The following CEP112 variants were observed in gnomAD, a reference collection of about 807,000 sequenced individuals.
The protein encoded by CEP112 is centrosomal protein of 112 kDa.
A neutral mutation model predicts 153.0 loss-of-function variants in CEP112; 127 were observed. The observed-to-expected ratio is 0.83, with a 90% confidence interval of 0.72 to 0.96. CEP112 has a LOEUF of 0.96. Ranked by LOEUF, CEP112 falls within the 40% of genes least tolerant of loss-of-function variation. CEP112 has a pLI of 0.00. For synonymous variants in CEP112, 358 were observed against 374.4 expected (o/e 0.96, Z 0.51); for missense variants, 1,089 against 1,101.2 (o/e 0.99, Z 0.16).
In CEP112 at chr17:65,771,832, T is replaced by C. The variant is rs193264063; in HGVS notation, c.2395-21108A>G. Among the ~76,000 whole-genome samples, 429 of 151,936 alleles carry C rather than the reference T, an allele frequency of 2.8e-3. 4 individuals are homozygous for C. The highest frequency in any genetic ancestry group is 9.8e-3 in the African/African-American group (408 of 41,460). ...AAGTTCAAGATGAGCCTGGGCAACA[T>C]AGTGAGACCCCATGTCTAAGAAAAA... is the stretch of plus-strand genomic sequence containing the variant. On this transcript the variant is annotated intron_variant, in intron 21 of 26. Transcript: ENST00000535342.
chr17:65,786,546 A>G (rs1261671106), intron 21 of CEP112, among the ~76,000 whole-genome samples: 1 of 151,330 alleles, frequency 6.6e-6, no homozygotes, highest in Non-Finnish European at 1.5e-5. Context: ...CACCTCTGTA[A>G]AATGCTGTTT....
intron 18 of CEP112, among the ~76,000 whole-genome samples, chr17:65,929,166 T>G (rs913455115): frequency 6.6e-6 from 1 of 152,210 alleles, no homozygotes; most frequent in African/African-American, 2.4e-5. Context: ...TTAAAACCAC[T>G]GAATTGTACA....
At chr17:65,999,275 C>T (rs7221901) in intron 17 of CEP112, among the ~76,000 whole-genome samples, 88,287 of 150,372 alleles carry the variant, frequency 0.59, 27,351 homozygotes, top group African/African-American at 0.73. Flanking sequence ...CTATTCGGCT[C>T]ACTGCAAGCT....
intron 21 of CEP112, among the ~76,000 whole-genome samples, chr17:65,783,846 C>T (rs1369368484): frequency 2.0e-5 from 3 of 152,172 alleles, no homozygotes; most frequent in Non-Finnish European, 4.4e-5. Context: ...ACATAAAGTT[C>T]CTTTGATCGA....
At chr17:65,856,583 T>A (rs972722331) in intron 20 of CEP112, among the ~76,000 whole-genome samples, 3 of 152,234 alleles carry the variant, frequency 2.0e-5, no homozygotes, top group Non-Finnish European at 4.4e-5. Flanking sequence ...AATGTCTTTT[T>A]TTGAAAATTA....
chr17:65,772,575 T>TACACACACAC (rs34758953), intron 21 of CEP112, among the ~76,000 whole-genome samples: 11 of 133,412 alleles, frequency 8.2e-5, no homozygotes, highest in Non-Finnish European at 1.4e-4. Flanking sequence ...CTCTATTTAT[T>TACACACACAC]ACACACACAC....
intron 20 of CEP112, among the ~76,000 whole-genome samples, chr17:65,864,137 C>CTCA (rs1568134290): frequency 7.3e-6 from 1 of 137,168 alleles, no homozygotes; most frequent in Admixed American, 7.2e-5. Flanking sequence ...TGAGACTCCT[C>CTCA]AAAAAAAAAA....
chr17:66,080,916 A>T (rs959264248), intron 8 of CEP112, among the ~76,000 whole-genome samples: 2 of 152,220 alleles, frequency 1.3e-5, no homozygotes, highest in Non-Finnish European at 2.9e-5. Context: ...ACAAGAACAG[A>T]AAACCAAATA....
intron 24 of CEP112, among the ~76,000 whole-genome samples, chr17:65,673,767 A>G (rs1167014999): frequency 6.6e-6 from 1 of 152,236 alleles, no homozygotes; most frequent in Non-Finnish European, 1.5e-5. Flanking sequence ...ATCTTCTCAA[A>G]AAATTAAAAT....
intron 8 of CEP112, among the ~76,000 whole-genome samples, chr17:66,074,660 C>T (rs2067420445): frequency 6.6e-6 from 1 of 151,916 alleles, no homozygotes; most frequent in Non-Finnish European, 1.5e-5. Context: ...GTCAAGAGTT[C>T]GAGGCCATCC....
chr17:65,980,957 T>C (rs2063205143), intron 17 of CEP112, among the ~76,000 whole-genome samples: 1 of 152,080 alleles, frequency 6.6e-6, no homozygotes, highest in Non-Finnish European at 1.5e-5. Flanking sequence ...TTTATGTTTT[T>C]AGTAGTGACG....
chr17:65,644,736 T>C (rs2045343214), intron 24 of CEP112: 1 of 153,600 alleles, frequency 6.5e-6, no homozygotes, highest in African/African-American at 2.4e-5. Flanking sequence ...TTTCTTTCTC[T>C]CATAACTTTG....
At chr17:65,860,105 A>AAT (rs2058265398) in intron 20 of CEP112, among the ~76,000 whole-genome samples, 2 of 152,044 alleles carry the variant, frequency 1.3e-5, no homozygotes, top group Admixed American at 6.6e-5. Context: ...AATTATTAGA[A>AAT]ATAAGAGCTT....
chr17:65,706,010 G>A (rs549698000), intron 23 of CEP112, among the ~76,000 whole-genome samples: 3 of 152,232 alleles, frequency 2.0e-5, no homozygotes, highest in Admixed American at 1.3e-4. Context: ...AAGAATGAGG[G>A]GGAAATGACA....
At chr17:65,857,026 G>C (rs376808425) in intron 20 of CEP112, among the ~76,000 whole-genome samples, 2 of 152,242 alleles carry the variant, frequency 1.3e-5, no homozygotes, top group East Asian at 1.9e-4. Flanking sequence ...TGAATACTGC[G>C]ATGAAGCAAA....
chr17:65,979,234 TTTTA>T (rs1272064224), intron 17 of CEP112, among the ~76,000 whole-genome samples: 6 of 151,552 alleles, frequency 4.0e-5, no homozygotes, highest in African/African-American at 9.7e-5. Context: ...TTATTTTTAA[TTTTA>T]TTTATTTATT....
chr17:65,661,694 T>C (rs1473427471), intron 24 of CEP112: 2 of 152,212 alleles, frequency 1.3e-5, no homozygotes, highest in African/African-American at 4.8e-5. Flanking sequence ...TTGAGACCAT[T>C]ACATGGACTG....
intron 4 of CEP112, among the ~76,000 whole-genome samples, chr17:66,161,292 A>G (rs994617662): frequency 5.9e-5 from 9 of 152,330 alleles, no homozygotes; most frequent in African/African-American, 1.9e-4. Flanking sequence ...TCAAGGATCT[A>G]GAACCAGAAA....
chr17:66,017,405 T>C (rs1455933360), intron 16 of CEP112, among the ~76,000 whole-genome samples: 1 of 152,194 alleles, frequency 6.6e-6, no homozygotes, highest in Admixed American at 6.5e-5. Flanking sequence ...AATGTGTCAA[T>C]GACCATACTT....
Sources: gnomAD v4.1 joint callset for allele counts (sites outside exome capture counted in the v4.1 genomes callset) on GRCh38, gnomAD v4.1.1 for gene constraint, MANE v1.5 for transcripts, NCBI Gene and HGNC (gene_info 2026-07-23, HGNC 2026-07-21) for gene names.